PLCL1: variants seen among roughly 807,000 people sequenced by gnomAD.
PLCL1 encodes the protein inactive phospholipase C-like protein 1.
In PLCL1, 41 loss-of-function variants were observed where a neutral mutation model predicts 84.4. The ratio of observed to expected loss-of-function variants is 0.49; its 90% CI spans 0.38 to 0.63. The LOEUF is 0.63. PLCL1 is among the 30% of genes least tolerant of loss of function. The pLI is 0.00. For synonymous variants in PLCL1, 490 were observed against 488.3 expected, an observed-to-expected ratio of 1.00 and a Z score of -0.05; for missense variants, 1,206 against 1,367.8, an observed-to-expected ratio of 0.88 and a Z score of 1.87.
intron 5 of PLCL1, among the ~76,000 whole-genome samples, chr2:198,119,541 C>G (rs1329602830): frequency 6.6e-6 from 1 of 151,882 alleles, no homozygotes; most frequent in Non-Finnish European, 1.5e-5. Context: ...TGTTCTTTCC[C>G]TCCTCAGTCA....
intron 1 of PLCL1, among the ~76,000 whole-genome samples, chr2:198,057,411 A>G (rs1470164227): frequency 2.0e-5 from 3 of 152,026 alleles, no homozygotes; most frequent in African/African-American, 7.3e-5. Flanking sequence ...TGCTTTGTAC[A>G]CATTGTTTCA....
At chr2:198,136,729 A>G (rs1235681671) in intron 5 of PLCL1, among the ~76,000 whole-genome samples, 4 of 152,106 alleles carry the variant, frequency 2.6e-5, no homozygotes, top group African/African-American at 9.7e-5. Flanking sequence ...AGCATCCTTC[A>G]AAACGTTCAG....
At chr2:198,009,652 T>G (rs564076079) in intron 1 of PLCL1, among the ~76,000 whole-genome samples, 28 of 152,152 alleles carry the variant, frequency 1.8e-4, no homozygotes, top group African/African-American at 6.3e-4. Context: ...CAAGATTGTT[T>G]TGGCTCTTTT....
intron 1 of PLCL1, among the ~76,000 whole-genome samples, chr2:197,870,467 A>T (rs1687630443): frequency 6.6e-6 from 1 of 150,972 alleles, no homozygotes; most frequent in African/African-American, 2.4e-5. Context: ...TGGTGTAGGG[A>T]CTAGAGATGG....
At chr2:198,022,551 C>T in intron 1 of PLCL1, among the ~76,000 whole-genome samples, 1 of 152,176 alleles carries the variant, frequency 6.6e-6, no homozygotes. Context: ...TCAGCAAAGT[C>T]TCAGGATACA....
intron 1 of PLCL1, among the ~76,000 whole-genome samples, chr2:197,982,955 ATGTT>A (rs1454013979): frequency 1.2e-4 from 18 of 152,206 alleles, no homozygotes; most frequent in Non-Finnish European, 1.9e-4. Flanking sequence ...TCTTAGCTAA[ATGTT>A]TGTTTGCTTA....
chr2:198,121,381 C>T (rs934347274), intron 5 of PLCL1, among the ~76,000 whole-genome samples: 2 of 151,990 alleles, frequency 1.3e-5, no homozygotes, highest in African/African-American at 4.8e-5. Context: ...ACTTAAGACA[C>T]ATTTCCCCAG....
At position 198,079,335 on chromosome 2, in the gene PLCL1, C is replaced by T. The variant is rs566254840; in HGVS notation, c.241-4423C>T. 4.6e-4 allele frequency among the ~76,000 whole-genome samples: 69 copies of T among 151,580 alleles called. 1 individual carries two copies. In the East Asian group the frequency reaches 8.3e-3, roughly 18 times the overall value. ...AGCTGAAAATATTTTGCTGTTGTGACGAGTCTCATTTAATCATGATTGGTA... is the reference window on the plus strand; with the variant it reads ...AGCTGAAAATATTTTGCTGTTGTGATGAGTCTCATTTAATCATGATTGGTA... On this transcript the variant is annotated intron_variant, in intron 1 of 5. Coordinates refer to ENST00000428675, the MANE Select transcript of PLCL1 (RefSeq NM_006226.4).
chr2:197,859,203 A>C (rs1189685097), intron 1 of PLCL1, among the ~76,000 whole-genome samples: 1 of 152,096 alleles, frequency 6.6e-6, no homozygotes, highest in Non-Finnish European at 1.5e-5. Flanking sequence ...GAGATCCTGA[A>C]ATATGTTAGC....
chr2:197,884,392 T>G (rs1687881693), intron 1 of PLCL1, among the ~76,000 whole-genome samples: 1 of 152,258 alleles, frequency 6.6e-6, no homozygotes, highest in Admixed American at 6.5e-5. Flanking sequence ...CTAGAAGTCC[T>G]GTACAATACT....
intron 1 of PLCL1, among the ~76,000 whole-genome samples, chr2:198,023,010 T>C (rs1306803929): frequency 6.6e-6 from 1 of 152,180 alleles, no homozygotes; most frequent in East Asian, 1.9e-4. Flanking sequence ...ACTGCAAGGC[T>C]ACAGTAATCA....
chr2:198,076,736 T>C (rs1003405025), intron 1 of PLCL1, among the ~76,000 whole-genome samples: 1 of 152,078 alleles, frequency 6.6e-6, no homozygotes, highest in Non-Finnish European at 1.5e-5. Flanking sequence ...GTAACTGGAG[T>C]TGACCATGGG....
intron 1 of PLCL1, among the ~76,000 whole-genome samples, chr2:197,953,406 C>T (rs1053437039): frequency 7.9e-5 from 12 of 151,994 alleles, no homozygotes; most frequent in Non-Finnish European, 1.6e-4. Flanking sequence ...TGGAAGCCCC[C>T]CATGGATCAT....
In PLCL1 at chr2:198,127,162, C is replaced by T. The variant is rs1694008260; in HGVS notation, c.3106-19618C>T. 2.0e-5 allele frequency among the ~76,000 whole-genome samples: 3 copies of T among 152,080 alleles called. No homozygotes were observed. The South Asian group carries it at 6.2e-4, about 32-fold the overall frequency. On this transcript the variant is annotated intron_variant, in intron 5 of 5. Coordinates refer to ENST00000428675, the MANE Select transcript of PLCL1 (RefSeq NM_006226.4). ...AAAGGGAATTGTCTATGGGGTGAAC[C>T]TTTTCAATTGCCCTTCCATCCACAT...
At chr2:197,975,170 A>G (rs1313581602) in intron 1 of PLCL1, among the ~76,000 whole-genome samples, 1 of 151,202 alleles carries the variant, frequency 6.6e-6, no homozygotes, top group Non-Finnish European at 1.5e-5. Context: ...AAAAAAAAAA[A>G]AAAAGAGTGA....
chr2:197,915,176 T>G (rs1688570149), intron 1 of PLCL1, among the ~76,000 whole-genome samples: 1 of 152,048 alleles, frequency 6.6e-6, no homozygotes, highest in African/African-American at 2.4e-5. Flanking sequence ...CTAGAAGGGG[T>G]TTAATCTTCA....
At chr2:197,958,911 A>G (rs1441527353) in intron 1 of PLCL1, among the ~76,000 whole-genome samples, 1 of 97,822 alleles carries the variant, frequency 1.0e-5, no homozygotes, top group Non-Finnish European at 2.2e-5. Flanking sequence ...CTTGTGCACT[A>G]ATCTGTATTG....
intron 1 of PLCL1, among the ~76,000 whole-genome samples, chr2:197,905,064 T>TC (rs1319964905): frequency 6.6e-6 from 1 of 152,052 alleles, no homozygotes; most frequent in African/African-American, 2.4e-5. Flanking sequence ...TCATTTTTTT[T>TC]CTCCTTTTTT....
intron 1 of PLCL1, among the ~76,000 whole-genome samples, chr2:198,011,161 T>C (rs1197437600): frequency 2.0e-5 from 3 of 152,008 alleles, no homozygotes; most frequent in African/African-American, 7.2e-5. Flanking sequence ...ACTTTGAATT[T>C]AGTTTGTTTT....
Sources: gnomAD v4.1 joint callset for allele counts (sites outside exome capture counted in the v4.1 genomes callset) on GRCh38, gnomAD v4.1.1 for gene constraint, MANE v1.5 for transcripts, NCBI Gene and HGNC (gene_info 2026-07-23, HGNC 2026-07-21) for gene names.